ELMOD1: variants seen among roughly 807,000 people sequenced by gnomAD.
ELMOD1 encodes ELMO domain containing 1.
In ELMOD1, 21 loss-of-function variants were observed where a neutral mutation model predicts 46.7. The observed-to-expected ratio is 0.45, with a 90% CI of 0.32 to 0.65. ELMOD1 has a LOEUF of 0.65. ELMOD1 is among the 30% of genes least tolerant of loss of function. ELMOD1 has a pLI of 0.04. For synonymous variants in ELMOD1, 122 were observed against 138.2 expected (o/e 0.88, Z 0.82); for missense variants, 348 against 407.8 (o/e 0.85, Z 1.26).
intron 1 of ELMOD1, among the ~76,000 whole-genome samples, chr11:107,601,398 A>C (rs1009192454): frequency 6.8e-6 from 1 of 147,738 alleles, no homozygotes; most frequent in African/African-American, 2.5e-5. Flanking sequence ...ATTTTCTATT[A>C]ATGTCTATTA....
chr11:107,615,706 AG>A (rs1220759726), intron 1 of ELMOD1, among the ~76,000 whole-genome samples: 1 of 152,056 alleles, frequency 6.6e-6, no homozygotes, highest in African/African-American at 2.4e-5. Flanking sequence ...TAATAGTCAT[AG>A]CTCCTTTGGC....
intron 1 of ELMOD1, among the ~76,000 whole-genome samples, chr11:107,615,859 A>T (rs1347271463): frequency 6.7e-6 from 1 of 150,188 alleles, no homozygotes; most frequent in African/African-American, 2.5e-5. Context: ...GACTGGGGTT[A>T]TATGTTTGGG....
At chr11:107,652,143 T>C (rs1179764855) in intron 9 of ELMOD1, among the ~76,000 whole-genome samples, 1 of 152,240 alleles carries the variant, frequency 6.6e-6, no homozygotes, top group East Asian at 1.9e-4. Flanking sequence ...ACAGAATGTT[T>C]CAAAATGCTA....
intron 5 of ELMOD1, among the ~76,000 whole-genome samples, chr11:107,635,062 G>C (rs1866204536): frequency 1.3e-5 from 2 of 152,222 alleles, no homozygotes; most frequent in Admixed American, 1.3e-4. Context: ...AGTGGAGGTG[G>C]TGTTGTTATT....
rs571496339 is a variant in ELMOD1, at chr11:107,666,746, A to G, written c.*1549A>G. On this transcript the variant is annotated 3_prime_UTR_variant, in exon 12 of 12. Coordinates refer to ENST00000265840, the MANE Select transcript of ELMOD1 (RefSeq NM_018712.4). ...TGAGTACTGCCTAATTGTCAGTTATATGAATAAATTACATGTCATTCTACT... is the reference window on the plus strand; with the variant it reads ...TGAGTACTGCCTAATTGTCAGTTATGTGAATAAATTACATGTCATTCTACT... The G allele has an allele frequency of 2.0e-5, 3 of 152,740 alleles. No individual in the cohort carries two copies. The highest frequency in any genetic ancestry group is 3.9e-4 in the East Asian group (2 of 5,182). The allele number at this position is 152,740 out of a possible 1,614,324, so 9.5% of individuals were successfully genotyped here.
At chr11:107,623,277 A>T (rs572322257) in intron 2 of ELMOD1, 1 of 152,272 alleles carries the variant, frequency 6.6e-6, no homozygotes, top group South Asian at 2.1e-4. Flanking sequence ...ATCTTTTTCT[A>T]GGCAATCTCC....
At chr11:107,606,133 C>G (rs1175296661) in intron 1 of ELMOD1, among the ~76,000 whole-genome samples, 1 of 152,212 alleles carries the variant, frequency 6.6e-6, no homozygotes, top group African/African-American at 2.4e-5. Context: ...CCTTTGAAAT[C>G]CATGAGTCCC....
Position 107,655,960 on chromosome 11 carries a change from T to C in ELMOD1, c.726T>C (p.Asn242=), listed in dbSNP as rs778574913. ...ACTCATTTGCAATTGTGGGCATCAA[T>C]ATAACTGACCTGGCATATAATCTAC... is the stretch of plus-strand genomic sequence containing the variant. ...IGYSFAIVGI[N]ITDLAYNLLV... is the part of the protein sequence containing the mutation. Residue 242 remains asparagine, a synonymous_variant, in exon 11 of 12, where the codon AAT becomes AAC. Transcript: ENST00000265840. The C allele has an allele frequency of 6.2e-7, 1 of 1,605,354 alleles. No homozygotes were observed. Among genetic ancestry groups the C allele is most frequent in the Non-Finnish European group, 8.5e-7 (1 of 1,175,250 alleles).
At chr11:107,606,005 C>A (rs1453219952) in intron 1 of ELMOD1, among the ~76,000 whole-genome samples, 1 of 152,222 alleles carries the variant, frequency 6.6e-6, no homozygotes, top group Non-Finnish European at 1.5e-5. Flanking sequence ...GCTTCAAATG[C>A]TCAAAAATAA....
Position 107,642,093 on chromosome 11 carries a change from G to A in ELMOD1, c.421-5375G>A, listed in dbSNP as rs189387323. Among the ~76,000 whole-genome samples, 37 of 151,672 alleles carry A rather than the reference G, an allele frequency of 2.4e-4. 1 individual carries two copies. The East Asian group carries it at 5.5e-3, about 22-fold the overall frequency. On this transcript the variant is annotated intron_variant, in intron 6 of 11. Coordinates refer to ENST00000265840, the MANE Select transcript of ELMOD1 (RefSeq NM_018712.4). ...CAAGTAGCTGGGATTACAGGCACCT[G>A]CCACCATGCCCGGCTAATTTTTGTA... is the stretch of plus-strand genomic sequence containing the variant.
intron 6 of ELMOD1, chr11:107,643,511 T>C: frequency 2.6e-6 from 1 of 391,204 alleles, no homozygotes; most frequent in Non-Finnish European, 5.2e-6. Flanking sequence ...CCATCAAGTC[T>C]GTGTCTAGTA....
At position 107,647,449 on chromosome 11, in the gene ELMOD1, C is replaced by CT. The variant is rs148940010; in HGVS notation, c.421-8dup. ...GAAAGGGTGTATCAACAGAGTAATC[C>CT]TTTTTTTTTTTCCTACAGTTATGGA... On this transcript the variant is annotated intron_variant, in intron 6 of 11. Transcript: ENST00000265840. 0.021 allele frequency: 22,622 copies of CT among 1,053,146 alleles called. No individual in the cohort carries two copies. The highest frequency in any genetic ancestry group is 0.031 in the South Asian group (1,851 of 59,634). The allele number at this position is 1,053,146 out of a possible 1,614,324, so 65.2% of individuals were successfully genotyped here.
chr11:107,642,026 C>A (rs1268708630), intron 6 of ELMOD1, among the ~76,000 whole-genome samples: 1 of 149,822 alleles, frequency 6.7e-6, no homozygotes, highest in Non-Finnish European at 1.5e-5. Flanking sequence ...CTCACTGCAA[C>A]CTCTGCCTCC....
chr11:107,621,464 G>A (rs1865946855), intron 2 of ELMOD1, among the ~76,000 whole-genome samples: 1 of 152,142 alleles, frequency 6.6e-6, no homozygotes, highest in Non-Finnish European at 1.5e-5. Context: ...TAATATCTTG[G>A]TCCACTAAGT....
At chr11:107,635,270 G>A (rs1197939712) in intron 5 of ELMOD1, among the ~76,000 whole-genome samples, 1 of 152,120 alleles carries the variant, frequency 6.6e-6, no homozygotes, top group Middle Eastern at 3.2e-3. Context: ...GAAATCCCTT[G>A]TGGGTTTTGG....
intron 5 of ELMOD1, among the ~76,000 whole-genome samples, chr11:107,632,184 T>C (rs955232311): frequency 6.6e-6 from 1 of 152,254 alleles, no homozygotes; most frequent in Admixed American, 6.5e-5. Context: ...AACTTCATAA[T>C]TTATTCCTCT....
At chr11:107,606,552 C>T (rs933384977) in intron 1 of ELMOD1, among the ~76,000 whole-genome samples, 8 of 152,230 alleles carry the variant, frequency 5.3e-5, no homozygotes, top group East Asian at 1.9e-4. Context: ...ACTACATTGG[C>T]GGCAGAGCGC....
chr11:107,661,667 T>C (rs535552608), intron 11 of ELMOD1, among the ~76,000 whole-genome samples: 1 of 152,258 alleles, frequency 6.6e-6, no homozygotes, highest in African/African-American at 2.4e-5. Flanking sequence ...ACCATAAAAA[T>C]TATATTTAGG....
chr11:107,610,674 A>T (rs1310535332), intron 1 of ELMOD1, among the ~76,000 whole-genome samples: 1 of 151,816 alleles, frequency 6.6e-6, no homozygotes, highest in Non-Finnish European at 1.5e-5. Context: ...AAAAAAAAAA[A>T]AAAAAAGTAA....
Sources: gnomAD v4.1 joint callset for allele counts (sites outside exome capture counted in the v4.1 genomes callset) on GRCh38, gnomAD v4.1.1 for gene constraint, MANE v1.5 for transcripts, NCBI Gene and HGNC (gene_info 2026-07-23, HGNC 2026-07-21) for gene names.